The following REPS2 variants were observed in gnomAD, a reference collection of about 807,000 sequenced individuals.
REPS2 encodes ralBP1-associated Eps domain-containing protein 2.
In REPS2, 23 loss-of-function variants were observed where a neutral mutation model predicts 53.6. The observed-to-expected ratio is 0.43, with a 90% confidence interval of 0.31 to 0.61. REPS2 has a LOEUF of 0.61. REPS2 is among the 20% of genes least tolerant of loss of function. REPS2 has a pLI of 0.11. For synonymous variants in REPS2, 238 were observed against 218.6 expected (o/e 1.09, Z -0.78); for missense variants, 446 against 534.9 (o/e 0.83, Z 1.64).
intron 13 of REPS2, among the ~76,000 whole-genome samples, chrX:17,085,712 TC>T (rs2062524317): frequency 9.0e-6 from 1 of 111,720 alleles, no homozygotes; most frequent in African/African-American, 3.3e-5. Context: ...TGCTGGCTGC[TC>T]TGTTAAAAAC....
chrX:17,135,758 G>A (rs1346357637), intron 16 of REPS2: 5 of 179,570 alleles, frequency 2.8e-5, no homozygotes, highest in South Asian at 2.3e-4. Context: ...TTGCCTCTCT[G>A]CCTGTGTTAT....
At position 17,029,513 on chromosome X, in the gene REPS2, T is replaced by C; in HGVS notation, c.674-13T>C. ...TTTGCATACCATACTGACTTTCCTT[T>C]CTGCTGTTTCAGCACCTTATGAAGC... is the stretch of plus-strand genomic sequence containing the variant. On this transcript the variant is annotated splice_polypyrimidine_tract_variant and intron_variant, in intron 4 of 17. Transcript: ENST00000357277. 8.6e-7 allele frequency: 1 copy of C among 1,160,233 alleles called. No homozygotes were observed. The highest frequency in any genetic ancestry group is 2.4e-4 in the Middle Eastern group (1 of 4,230).
intron 14 of REPS2, among the ~76,000 whole-genome samples, chrX:17,131,054 G>C (rs1349305671): frequency 1.8e-5 from 2 of 111,940 alleles, no homozygotes; most frequent in Non-Finnish European, 3.8e-5. Flanking sequence ...TAGAAGTCAG[G>C]AATATTGAGT....
the REPS2 span, among the ~76,000 whole-genome samples, chrX:17,158,844 C>G: frequency 2.7e-5 from 3 of 111,932 alleles, no homozygotes; most frequent in African/African-American, 9.7e-5. Flanking sequence ...TGTTTGCGAC[C>G]TCACCTTCAG....
chrX:17,031,071 T>C (rs1034055724), intron 5 of REPS2, among the ~76,000 whole-genome samples: 1 of 112,483 alleles, frequency 8.9e-6, no homozygotes, highest in African/African-American at 3.2e-5. Context: ...CCAGATGTAG[T>C]AGTTGGCTGT....
At chrX:17,011,479 G>T (rs899598206) in intron 2 of REPS2, among the ~76,000 whole-genome samples, 1 of 111,827 alleles carries the variant, frequency 8.9e-6, no homozygotes, top group Non-Finnish European at 1.9e-5. Context: ...CATCATTTTT[G>T]TGCCAGGAGC....
At chrX:17,086,185 A>G (rs1243317339) in intron 13 of REPS2, among the ~76,000 whole-genome samples, 1 of 111,477 alleles carries the variant, frequency 9.0e-6, no homozygotes, top group African/African-American at 3.3e-5. Context: ...TGTATTTCCT[A>G]TAAACTAATA....
At chrX:16,947,576 G>C (rs1431298696) in intron 1 of REPS2, among the ~76,000 whole-genome samples, 1 of 111,944 alleles carries the variant, frequency 8.9e-6, no homozygotes, top group Non-Finnish European at 1.9e-5. Flanking sequence ...GTGTGTGTCC[G>C]TAGGGTTCGA....
At chrX:17,025,271 A>G in intron 4 of REPS2, 86 bp downstream of exon 4, 1 of 950,141 alleles carries the variant, frequency 1.1e-6, no homozygotes, top group Non-Finnish European at 1.4e-6. Flanking sequence ...CAAGCTGCTT[A>G]ATTTCCTGAT....
intron 1 of REPS2, among the ~76,000 whole-genome samples, chrX:16,986,910 A>ATT (rs112758922): frequency 2.1e-5 from 2 of 96,361 alleles, no homozygotes; most frequent in African/African-American, 7.5e-5. Context: ...ACCCTTATAG[A>ATT]TTTTTTTTTT....
At chrX:17,005,934 T>C (rs1345914600) in intron 1 of REPS2, among the ~76,000 whole-genome samples, 1 of 112,274 alleles carries the variant, frequency 8.9e-6, no homozygotes, top group Non-Finnish European at 1.9e-5. Flanking sequence ...CCTTTGTAAC[T>C]AGAGCAACAG....
rs761166031 is a variant in REPS2 at position 16,991,308 on chromosome X, G to C, written c.274-14913G>C. Among the ~76,000 whole-genome samples the C allele has an allele frequency of 7.2e-5, 8 of 111,113 alleles. No homozygotes were observed. In the East Asian group the frequency reaches 2.3e-3, roughly 32 times the overall value. On this transcript the variant is annotated intron_variant, in intron 1 of 17. Coordinates refer to ENST00000357277, the MANE Select transcript of REPS2 (RefSeq NM_004726.3). ...ATTCATTCTCTTCTTCTCTTTTGCA[G>C]TAGAAACTCCAGTTTTGAGCTGGGC... is the stretch of plus-strand genomic sequence containing the variant.
intron 1 of REPS2, among the ~76,000 whole-genome samples, chrX:16,960,073 T>C (rs1984505438): frequency 9.0e-6 from 1 of 110,613 alleles, no homozygotes; most frequent in African/African-American, 3.3e-5. Flanking sequence ...AAATAAGAGG[T>C]AAAAAACAAG....
At chrX:16,979,787 G>A (rs1037615214) in intron 1 of REPS2, among the ~76,000 whole-genome samples, 1 of 109,005 alleles carries the variant, frequency 9.2e-6, no homozygotes. Context: ...TTATCCCTTA[G>A]GTTATTACTT....
chrX:16,981,490 G>A (rs1482967643), intron 1 of REPS2, among the ~76,000 whole-genome samples: 2 of 113,013 alleles, frequency 1.8e-5, no homozygotes, highest in Admixed American at 9.3e-5. Context: ...GTGTTCTCTA[G>A]CAGAATGCTG....
intron 14 of REPS2, among the ~76,000 whole-genome samples, chrX:17,109,848 T>C (rs187554349): frequency 1.8e-5 from 2 of 112,698 alleles, no homozygotes; most frequent in Admixed American, 1.9e-4. Flanking sequence ...AAAGACTAAT[T>C]TTTTAGACAC....
chrX:16,976,181 C>T (rs1459286329), intron 1 of REPS2, among the ~76,000 whole-genome samples: 1 of 111,523 alleles, frequency 9.0e-6, no homozygotes, highest in East Asian at 2.8e-4. Flanking sequence ...ACTTTTGCTC[C>T]CAGATCAGAA....
At position 17,069,974 on chromosome X, in the gene REPS2, G is replaced by A; in HGVS notation, c.1314G>A (p.Lys438=). 9 of 1,132,999 alleles carry A rather than the reference G, an allele frequency of 7.9e-6. No homozygotes were observed. The highest frequency in any genetic ancestry group is 1.8e-5 in the African/African-American group (1 of 54,739). 93.4% of individuals were successfully genotyped at this position (1,132,999 alleles called of 1,213,427 possible). Residue 438 remains lysine, a synonymous_variant, in exon 11 of 18, where the codon AAG becomes AAA. Coordinates refer to ENST00000357277, the MANE Select transcript of REPS2 (RefSeq NM_004726.3). ...LKSTINEALP[K]DVSEDPATPK... The stretch of plus-strand genomic sequence containing the variant: ...GTACTATCAATGAAGCCTTACCAAA[G>A]GACGTGTCTGAGGATCCAGGTAGGA...
chrX:17,077,395 C>G lies in REPS2; in HGVS notation c.1504C>G (p.Pro502Ala), dbSNP rs1028620576. ...SSLDLNKVFQ[P>A]SVPATKSGLL... ...CTTGGATCTGAATAAAGTCTTCCAGCCCAGTGTGCCAGGTGAAGTGCCCCT... is the reference window on the plus strand; with the variant it reads ...CTTGGATCTGAATAAAGTCTTCCAGGCCAGTGTGCCAGGTGAAGTGCCCCT... Residue 502 changes from proline (P) to alanine (A), a missense_variant, in exon 13 of 18, where the codon CCC becomes GCC. Transcript: ENST00000357277. The G allele has an allele frequency of 8.3e-7, 1 of 1,201,251 alleles. No homozygotes were observed.
Sources: allele counts gnomAD v4.1 joint callset (sites outside exome capture counted in the v4.1 genomes callset), GRCh38; gene constraint gnomAD v4.1.1; transcripts MANE v1.5; gene names NCBI Gene and HGNC (gene_info 2026-07-23, HGNC 2026-07-21).